Variants in GRM7 observed in about 807,000 individuals in gnomAD.
GRM7 encodes metabotropic glutamate receptor 7.
In GRM7, 35 loss-of-function variants were observed where a neutral mutation model predicts 84.5. The observed-to-expected ratio is 0.41, with a 90% confidence interval of 0.32 to 0.55. GRM7 has a LOEUF of 0.55. GRM7 is among the 20% of genes least tolerant of loss of function. The probability of loss-of-function intolerance (pLI) is 0.19; values close to 1 mark genes in which losing one functional copy is unlikely to be tolerated. For synonymous variants in GRM7, 487 were observed against 455.1 expected (o/e 1.07, Z -0.89); for missense variants, 1,003 against 1,194.6 (o/e 0.84, Z 2.36).
intron 2 of GRM7, among the ~76,000 whole-genome samples, chr3:7,249,545 A>T (rs909806437): frequency 2.6e-5 from 4 of 152,220 alleles, no homozygotes; most frequent in African/African-American, 9.7e-5. Context: ...AAATTCATAT[A>T]GTTTAACGAC....
At chr3:7,017,810 T>C (rs901611314) in intron 1 of GRM7, among the ~76,000 whole-genome samples, 1 of 152,208 alleles carries the variant, frequency 6.6e-6, no homozygotes, top group Non-Finnish European at 1.5e-5. Flanking sequence ...CTGTGAGCTA[T>C]GGTTTGTCTT....
chr3:7,297,681 G>A (rs1281329533), intron 2 of GRM7, among the ~76,000 whole-genome samples: 1 of 152,162 alleles, frequency 6.6e-6, no homozygotes, highest in Non-Finnish European at 1.5e-5. Flanking sequence ...AGTTGTCCAT[G>A]TTCTAGGTGT....
At chr3:6,937,607 A>G (rs904795873) in intron 1 of GRM7, among the ~76,000 whole-genome samples, 1 of 152,208 alleles carries the variant, frequency 6.6e-6, no homozygotes, top group African/African-American at 2.4e-5. Context: ...AAGGAACCAA[A>G]CAGCCTCAGA....
intron 1 of GRM7, among the ~76,000 whole-genome samples, chr3:7,087,395 T>C (rs1361366282): frequency 2.8e-5 from 1 of 35,142 alleles, no homozygotes; most frequent in African/African-American, 2.5e-4. Flanking sequence ...ATATGCTCTT[T>C]TTTTTTTTTT....
intron 1 of GRM7, among the ~76,000 whole-genome samples, chr3:6,886,657 T>C (rs1307758331): frequency 1.3e-5 from 2 of 152,014 alleles, no homozygotes. Context: ...TTGTCTGATA[T>C]ATAGAATATT....
At chr3:7,533,363 C>T (rs1201336728) in intron 7 of GRM7, among the ~76,000 whole-genome samples, 6 of 152,162 alleles carry the variant, frequency 3.9e-5, no homozygotes, top group African/African-American at 1.2e-4. Context: ...CACACAAATA[C>T]ATGGAAAATG....
chr3:7,175,861 G>A (rs1001948207), intron 2 of GRM7, among the ~76,000 whole-genome samples: 5 of 152,026 alleles, frequency 3.3e-5, no homozygotes, highest in African/African-American at 4.8e-5. Context: ...TTATTAATAA[G>A]CATCATCAAA....
At chr3:7,130,875 C>A (rs1484579081) in intron 1 of GRM7, among the ~76,000 whole-genome samples, 2 of 152,074 alleles carry the variant, frequency 1.3e-5, no homozygotes, top group East Asian at 1.9e-4. Context: ...ATGAAGGGAA[C>A]CTACCAGGCT....
chr3:7,605,724 T>C (rs1696528965), intron 8 of GRM7, among the ~76,000 whole-genome samples: 1 of 152,210 alleles, frequency 6.6e-6, no homozygotes, highest in Non-Finnish European at 1.5e-5. Flanking sequence ...AGTGAGGTTG[T>C]AGCCAAGTAA....
chr3:7,601,958 G>A (rs1409667165), intron 8 of GRM7, among the ~76,000 whole-genome samples: 1 of 150,904 alleles, frequency 6.6e-6, no homozygotes, highest in Non-Finnish European at 1.5e-5. Flanking sequence ...AGGAGAGGAA[G>A]AATCATGAAC....
At chr3:7,544,969 CT>C (rs770497198) in intron 7 of GRM7, among the ~76,000 whole-genome samples, 4 of 152,238 alleles carry the variant, frequency 2.6e-5, no homozygotes, top group Non-Finnish European at 5.9e-5. Context: ...ATGCTTAATA[CT>C]GCAAGTTATA....
intron 9 of GRM7, among the ~76,000 whole-genome samples, chr3:7,717,424 A>G (rs878947026): frequency 3.3e-5 from 5 of 152,280 alleles, no homozygotes; most frequent in Admixed American, 2.0e-4. Flanking sequence ...ATGCTGGTAT[A>G]TATTTTTTCT....
intron 8 of GRM7, among the ~76,000 whole-genome samples, chr3:7,623,082 G>A (rs1327754149): frequency 2.0e-5 from 3 of 152,140 alleles, no homozygotes; most frequent in East Asian, 1.9e-4. Context: ...GGAAATCTGG[G>A]AAATATAATT....
At chr3:7,062,556 C>T (rs1371002819) in intron 1 of GRM7, among the ~76,000 whole-genome samples, 1 of 151,644 alleles carries the variant, frequency 6.6e-6, no homozygotes, top group Non-Finnish European at 1.5e-5. Flanking sequence ...TCCAATCACC[C>T]CCAGGGAGTT....
intron 7 of GRM7, among the ~76,000 whole-genome samples, chr3:7,547,356 G>A (rs781011746): frequency 4.0e-5 from 6 of 151,672 alleles, no homozygotes; most frequent in Non-Finnish European, 5.9e-5. Context: ...ACAGGCGCCC[G>A]CCGCCACGCC....
intron 4 of GRM7, among the ~76,000 whole-genome samples, chr3:7,390,745 C>CTTGGATCT (rs1485304289): frequency 6.7e-4 from 102 of 151,918 alleles, no homozygotes; most frequent in African/African-American, 2.4e-3. Flanking sequence ...TCTTTCAAAT[C>CTTGGATCT]TTGGATCTTT....
intron 2 of GRM7, among the ~76,000 whole-genome samples, chr3:7,215,890 A>G (rs554565980): frequency 1.4e-4 from 21 of 152,256 alleles, no homozygotes; most frequent in African/African-American, 4.3e-4. Context: ...CTTTCCCGCC[A>G]ACTGAATACT....
At chr3:7,556,015 T>C (rs2125030816) in intron 7 of GRM7, among the ~76,000 whole-genome samples, 1 of 152,262 alleles carries the variant, frequency 6.6e-6, no homozygotes, top group South Asian at 2.1e-4. Context: ...CTTATTTGAT[T>C]TGGGGTGCTG....
intron 1 of GRM7, among the ~76,000 whole-genome samples, chr3:7,137,572 T>A (rs1230201370): frequency 6.6e-6 from 1 of 151,986 alleles, no homozygotes; most frequent in East Asian, 1.9e-4. Context: ...AGAGAAATAA[T>A]TGGAGAGATT....
Sources: allele counts gnomAD v4.1 joint callset (sites outside exome capture counted in the v4.1 genomes callset), GRCh38; gene constraint gnomAD v4.1.1; transcripts MANE v1.5; gene names NCBI Gene and HGNC (gene_info 2026-07-23, HGNC 2026-07-21).